Variants in EBF1 observed in about 807,000 individuals in gnomAD.
EBF1 encodes EBF transcription factor 1, also known as transcription factor COE1.
In EBF1, 10 loss-of-function variants were observed where a neutral mutation model predicts 68.4. The ratio of observed to expected loss-of-function variants is 0.15; its 90% CI spans 0.09 to 0.25. The LOEUF is 0.25. Among genes scored for constraint, EBF1 ranks in the 10% least tolerant of loss-of-function variants. The pLI is 1.00. For synonymous variants in EBF1, 298 were observed against 299.8 expected, an observed-to-expected ratio of 0.99 and a Z score of 0.06; for missense variants, 509 against 794.4, an observed-to-expected ratio of 0.64 and a Z score of 4.32.
intron 6 of EBF1, among the ~76,000 whole-genome samples, chr5:158,990,633 T>G (rs1199501767): frequency 1.3e-5 from 2 of 152,192 alleles, no homozygotes; most frequent in Non-Finnish European, 1.5e-5. Flanking sequence ...CCAGCCCCAA[T>G]TCAAGTAAAA....
chr5:158,950,335 G>A (rs1173765159), intron 6 of EBF1, among the ~76,000 whole-genome samples: 1 of 152,132 alleles, frequency 6.6e-6, no homozygotes, highest in Non-Finnish European at 1.5e-5. Flanking sequence ...GTCAGTAGCC[G>A]ATGAAGAATA....
At chr5:159,031,922 A>T (rs568988354) in intron 6 of EBF1, among the ~76,000 whole-genome samples, 1 of 152,310 alleles carries the variant, frequency 6.6e-6, no homozygotes, top group Non-Finnish European at 1.5e-5. Context: ...TTGTGGGTGC[A>T]GTTGCAAATC....
At chr5:159,019,328 G>T (rs1269125097) in intron 6 of EBF1, among the ~76,000 whole-genome samples, 2 of 152,090 alleles carry the variant, frequency 1.3e-5, no homozygotes, top group Admixed American at 6.5e-5. Context: ...ATGTCTTGTG[G>T]ATATAAATGT....
intron 6 of EBF1, among the ~76,000 whole-genome samples, chr5:158,917,488 C>T (rs895937467): frequency 3.9e-5 from 6 of 152,260 alleles, no homozygotes; most frequent in East Asian, 1.9e-4. Flanking sequence ...AGAGACCATC[C>T]GGCTTGATGT....
chr5:158,888,629 T>C (rs1582910072), intron 6 of EBF1, among the ~76,000 whole-genome samples: 1 of 152,232 alleles, frequency 6.6e-6, no homozygotes. Context: ...TTAAAGACCA[T>C]GGAACTGGTA....
intron 6 of EBF1, among the ~76,000 whole-genome samples, chr5:159,008,178 G>C (rs1763939864): frequency 6.6e-6 from 1 of 152,180 alleles, no homozygotes; most frequent in Non-Finnish European, 1.5e-5. Flanking sequence ...AAAATAAAAT[G>C]AGATCACTAG....
chr5:158,911,359 A>G (rs1485404010), intron 6 of EBF1, among the ~76,000 whole-genome samples: 2 of 152,190 alleles, frequency 1.3e-5, no homozygotes, highest in East Asian at 1.9e-4. Context: ...GGTCAGAGAC[A>G]TGACTGTTTA....
chr5:158,780,684 T>C (rs1776285995), intron 9 of EBF1, among the ~76,000 whole-genome samples: 1 of 152,148 alleles, frequency 6.6e-6, no homozygotes, highest in South Asian at 2.1e-4. Flanking sequence ...GATTAGCTAG[T>C]GTTAAATATT....
chr5:159,058,413 C>T (rs930886138), intron 6 of EBF1, among the ~76,000 whole-genome samples: 1 of 152,232 alleles, frequency 6.6e-6, no homozygotes, highest in Non-Finnish European at 1.5e-5. Context: ...GGGAAGTTCT[C>T]AGCTGAAGGG....
chr5:158,995,765 C>G (rs928641158), intron 6 of EBF1, among the ~76,000 whole-genome samples: 6 of 152,214 alleles, frequency 3.9e-5, no homozygotes, highest in Non-Finnish European at 8.8e-5. Context: ...AATCTCAGTT[C>G]CTTCTTTCTT....
intron 6 of EBF1, among the ~76,000 whole-genome samples, chr5:158,938,815 G>A (rs1300390527): frequency 6.6e-6 from 1 of 152,078 alleles, no homozygotes; most frequent in Admixed American, 6.5e-5. Flanking sequence ...TCACATCGGG[G>A]GTTGGAGCTT....
At chr5:158,811,016 C>CTT (rs71285026) in intron 8 of EBF1, among the ~76,000 whole-genome samples, 7 of 151,910 alleles carry the variant, frequency 4.6e-5, no homozygotes, top group Non-Finnish European at 8.8e-5. Context: ...AGGTAAATCT[C>CTT]TTTTTTTTGA....
At chr5:158,774,023 C>T (rs967950567) in intron 10 of EBF1, among the ~76,000 whole-genome samples, 2 of 152,170 alleles carry the variant, frequency 1.3e-5, no homozygotes, top group South Asian at 2.1e-4. Flanking sequence ...TTAAAGTCAG[C>T]CTTGCCCTAC....
At chr5:159,062,490 G>A (rs1776053596) in intron 6 of EBF1, among the ~76,000 whole-genome samples, 1 of 152,030 alleles carries the variant, frequency 6.6e-6, no homozygotes, top group Non-Finnish European at 1.5e-5. Flanking sequence ...TTGGGGAGGG[G>A]GAGGGAGGGA....
rs550070892 is a variant in EBF1, at chr5:158,902,657, A to T, written c.555-62547T>A. On this transcript the variant is annotated intron_variant, in intron 6 of 15. Coordinates refer to ENST00000313708, the MANE Select transcript of EBF1 (RefSeq NM_024007.5). ...TTATTATTAGAGACAAGGTCTCTCTATGTTGCCCAAGCTGGTCCAAACTCC... is the reference window on the plus strand; with the variant it reads ...TTATTATTAGAGACAAGGTCTCTCTTTGTTGCCCAAGCTGGTCCAAACTCC... Among the ~76,000 whole-genome samples the T allele has an allele frequency of 1.4e-4, 21 of 151,128 alleles. 1 individual carries two copies. The highest frequency in any genetic ancestry group is 4.9e-4 in the African/African-American group (20 of 41,226).
At chr5:158,892,357 T>C (rs1023418106) in intron 6 of EBF1, among the ~76,000 whole-genome samples, 1 of 152,048 alleles carries the variant, frequency 6.6e-6, no homozygotes, top group Non-Finnish European at 1.5e-5. Flanking sequence ...GTTGTGGTGG[T>C]GCACACCTGT....
At chr5:159,002,763 T>C (rs932427540) in intron 6 of EBF1, among the ~76,000 whole-genome samples, 2 of 152,200 alleles carry the variant, frequency 1.3e-5, no homozygotes, top group African/African-American at 2.4e-5. Flanking sequence ...TTAGTATACA[T>C]AGTCATGTAA....
chr5:158,949,731 T>C (rs994915948), intron 6 of EBF1, among the ~76,000 whole-genome samples: 2 of 152,256 alleles, frequency 1.3e-5, no homozygotes, highest in African/African-American at 2.4e-5. Context: ...ATTCAATAAA[T>C]GTTCACCAAG....
At position 158,811,691 on chromosome 5, in the gene EBF1, T is replaced by C. The variant is rs1028735058; in HGVS notation, c.778+11485A>G. ...TCACCCAAAACACTGCTCTAAATGC[T>C]ACCATTTTATGGACACTGAGTTCTG... On this transcript the variant is annotated intron_variant, in intron 8 of 15. Coordinates refer to ENST00000313708, the MANE Select transcript of EBF1 (RefSeq NM_024007.5). Among the ~76,000 whole-genome samples, 4 of 152,220 alleles carry C rather than the reference T, an allele frequency of 2.6e-5. No individual in the cohort carries two copies. The South Asian group carries it at 8.3e-4, about 32-fold the overall frequency.
Sources: gnomAD v4.1 joint callset for allele counts (sites outside exome capture counted in the v4.1 genomes callset) on GRCh38, gnomAD v4.1.1 for gene constraint, MANE v1.5 for transcripts, NCBI Gene and HGNC (gene_info 2026-07-23, HGNC 2026-07-21) for gene names.